GABRG3: variants seen among roughly 807,000 people sequenced by gnomAD.
GABRG3 encodes the protein gamma-aminobutyric acid type A receptor subunit gamma3, also known as gamma-aminobutyric acid receptor subunit gamma-3.
A neutral mutation model predicts 48.8 loss-of-function variants in GABRG3; 25 were observed. The observed-to-expected ratio is 0.51, with a 90% CI of 0.37 to 0.72. GABRG3 has a LOEUF of 0.72. GABRG3 is among the 30% of genes least tolerant of loss of function. The pLI is 0.00. For synonymous variants in GABRG3, 227 were observed against 217.6 expected, an observed-to-expected ratio of 1.04 and a Z score of -0.38; for missense variants, 394 against 577.9, an observed-to-expected ratio of 0.68 and a Z score of 3.26.
intron 5 of GABRG3, among the ~76,000 whole-genome samples, chr15:27,346,325 C>G (rs1020147717): frequency 6.6e-6 from 1 of 152,150 alleles, no homozygotes; most frequent in Non-Finnish European, 1.5e-5. Flanking sequence ...AAAATTTACA[C>G]CCTTCATTCC....
chr15:27,060,453 C>T (rs1335834006), intron 3 of GABRG3, among the ~76,000 whole-genome samples: 3 of 152,248 alleles, frequency 2.0e-5, no homozygotes, highest in Non-Finnish European at 4.4e-5. Context: ...GTGTCATTAT[C>T]ACATGCTGCA....
rs1225889465 is a variant in GABRG3 at position 27,180,659 on chromosome 15, G to A, written c.271-146150G>A. Among the ~76,000 whole-genome samples the A allele has an allele frequency of 2.0e-5, 3 of 152,148 alleles. No homozygotes were observed. Among genetic ancestry groups the A allele is most frequent in the Non-Finnish European group, 4.4e-5 (3 of 68,028 alleles). ...TGTGTGTGTCTGTCTGTGTGTGTTT[G>A]TGTGTGCACGCGCGCGCACCCCAGG... On this transcript the variant is annotated intron_variant, in intron 3 of 9. Coordinates refer to ENST00000615808, the MANE Select transcript of GABRG3 (RefSeq NM_033223.5). The surrounding 1 kb of genome is among the most constrained non-coding windows in gnomAD (Gnocchi z 4.2).
At chr15:27,187,646 G>A (rs983146859) in intron 3 of GABRG3, among the ~76,000 whole-genome samples, 13 of 151,920 alleles carry the variant, frequency 8.6e-5, no homozygotes, top group African/African-American at 2.7e-4. Context: ...TATATTCCTG[G>A]ATATTTTATT....
chr15:27,164,127 A>G (rs920305069), intron 3 of GABRG3, among the ~76,000 whole-genome samples: 5 of 152,248 alleles, frequency 3.3e-5, no homozygotes, highest in Admixed American at 3.3e-4. Flanking sequence ...TCAAATGTAA[A>G]GAAAAGCTGA....
At position 27,457,750 on chromosome 15, in the gene GABRG3, C is replaced by G. The variant is rs1411377715; in HGVS notation, c.575-22900C>G. ...CCGTGTTTTCTGGCCAGTGGTATAA[C>G]GAGTACCCACTGCTTTTTCTGCCTG... On this transcript the variant is annotated intron_variant, in intron 5 of 9. Transcript: ENST00000615808. This position sits in a 1 kb window ranked among gnomAD's most constrained non-coding sequence, Gnocchi z 4.4. Among the ~76,000 whole-genome samples, 1 of 152,150 alleles carries G rather than the reference C, an allele frequency of 6.6e-6. No homozygotes were observed. The highest frequency in any genetic ancestry group is 2.4e-5 in the African/African-American group (1 of 41,428).
chr15:27,223,133 A>G (rs1463359358), intron 3 of GABRG3, among the ~76,000 whole-genome samples: 1 of 152,224 alleles, frequency 6.6e-6, no homozygotes, highest in Non-Finnish European at 1.5e-5. Context: ...TCTTTATAGC[A>G]TTTCATTTTA....
At chr15:27,287,895 C>G (rs564650825) in intron 3 of GABRG3, among the ~76,000 whole-genome samples, 15 of 152,048 alleles carry the variant, frequency 9.9e-5, no homozygotes, top group African/African-American at 3.4e-4. Context: ...CCCACCACCA[C>G]ACCTGGATAA....
chr15:27,191,353 G>T lies in GABRG3; in HGVS notation c.271-135456G>T, dbSNP rs532005604. ...AAAGTCTCCCATTATTACTGCGTGG[G>T]AGTCTAAGTCTCTTTGTAGGTCACT... is the stretch of plus-strand genomic sequence containing the variant. On this transcript the variant is annotated intron_variant, in intron 3 of 9. Transcript: ENST00000615808. 3.3e-5 allele frequency among the ~76,000 whole-genome samples: 5 copies of T among 152,238 alleles called. No homozygotes were observed. The South Asian group carries it at 6.2e-4, about 19-fold the overall frequency.
intron 1 of GABRG3, among the ~76,000 whole-genome samples, chr15:26,972,226 C>G (rs573646278): frequency 6.6e-6 from 1 of 152,214 alleles, no homozygotes; most frequent in Non-Finnish European, 1.5e-5. Context: ...GCACGCATGT[C>G]GAAATGGATA....
chr15:26,981,269 CA>C (rs1566899309), intron 2 of GABRG3, among the ~76,000 whole-genome samples: 1 of 152,136 alleles, frequency 6.6e-6, no homozygotes, highest in East Asian at 1.9e-4. Flanking sequence ...CATTTCTGTA[CA>C]AAAAAAGAGA....
intron 3 of GABRG3, among the ~76,000 whole-genome samples, chr15:27,270,976 G>A (rs552615749): frequency 5.3e-5 from 8 of 152,338 alleles, no homozygotes; most frequent in Middle Eastern, 6.8e-3. Flanking sequence ...GGAATGGGTG[G>A]CCAGGAAGAA....
At chr15:27,531,799 T>C (rs540471100) in intron 9 of GABRG3, among the ~76,000 whole-genome samples, 1 of 152,362 alleles carries the variant, frequency 6.6e-6, no homozygotes, top group Admixed American at 6.5e-5. Context: ...GGGTTAGGAA[T>C]GATTCTTCTC....
At chr15:27,340,960 C>T (rs1227819546) in intron 5 of GABRG3, 2 of 502,166 alleles carry the variant, frequency 4.0e-6, no homozygotes, top group African/African-American at 3.9e-5. Context: ...ATGATGCATG[C>T]TTTTGTTTTG....
intron 2 of GABRG3, among the ~76,000 whole-genome samples, chr15:26,984,955 T>C (rs17647550): frequency 0.39 from 59,406 of 152,152 alleles, 12,779 homozygotes; most frequent in Middle Eastern, 0.56. Flanking sequence ...ATCTGAATCA[T>C]CTTGTCTTGG....
chr15:27,071,532 C>T (rs544244244), intron 3 of GABRG3, among the ~76,000 whole-genome samples: 1 of 152,216 alleles, frequency 6.6e-6, no homozygotes, highest in Non-Finnish European at 1.5e-5. Flanking sequence ...GGATGTCTGC[C>T]TTTCAGTACC....
intron 3 of GABRG3, among the ~76,000 whole-genome samples, chr15:27,233,570 A>G (rs546003650): frequency 2.6e-4 from 39 of 152,176 alleles, no homozygotes; most frequent in Admixed American, 1.4e-3. Flanking sequence ...TTCATGAGGC[A>G]CTAATCTCAT....
At chr15:27,340,952 G>T in intron 5 of GABRG3, 1 of 500,234 alleles carries the variant, frequency 2.0e-6, no homozygotes, top group Admixed American at 2.1e-5. Context: ...GAGATTCAAT[G>T]ATGCATGCTT....
intron 2 of GABRG3, among the ~76,000 whole-genome samples, chr15:27,012,192 G>A (rs1476186554): frequency 1.3e-5 from 2 of 151,914 alleles, no homozygotes; most frequent in Non-Finnish European, 2.9e-5. Flanking sequence ...AGAATTATAG[G>A]CTAATATGTT....
chr15:27,128,831 G>A (rs1897867049), intron 3 of GABRG3, among the ~76,000 whole-genome samples: 1 of 152,096 alleles, frequency 6.6e-6, no homozygotes, highest in South Asian at 2.1e-4. Context: ...GAACGATACT[G>A]TGTGTCTCAT....
Sources: gnomAD v4.1 joint callset for allele counts (sites outside exome capture counted in the v4.1 genomes callset) on GRCh38, gnomAD v4.1.1 for gene constraint, Gnocchi (gnomAD v3.1) non-coding constraint, MANE v1.5 for transcripts, NCBI Gene and HGNC (gene_info 2026-07-23, HGNC 2026-07-21) for gene names.